The following CDHR2 variants were observed in gnomAD, a reference collection of about 807,000 sequenced individuals.
CDHR2 encodes cadherin related family member 2.
A neutral mutation model predicts 138.6 loss-of-function variants in CDHR2; 104 were observed. That is an observed-to-expected ratio of 0.75 (90% CI 0.64 to 0.88). The LOEUF is 0.88. Among genes scored for constraint, CDHR2 ranks in the 40% least tolerant of loss-of-function variants. CDHR2 has a pLI of 0.00. For missense variants in CDHR2, 1,624 were observed against 1,727.6 expected, an observed-to-expected ratio of 0.94 and a Z score of 1.06; for synonymous variants, 755 against 742.8, an observed-to-expected ratio of 1.02 and a Z score of -0.27.
chr5:176,552,591 G>C (rs1456658349), intron 1 of CDHR2, among the ~76,000 whole-genome samples: 2 of 152,174 alleles, frequency 1.3e-5, no homozygotes, highest in Non-Finnish European at 2.9e-5. Flanking sequence ...ATTGGGGCAG[G>C]CCGTTATTGC....
rs549077655 is a variant in CDHR2, at chr5:176,565,216, C to A, written c.-15-122C>A. The A allele has an allele frequency of 9.8e-6, 7 of 715,468 alleles. No homozygotes were observed. In the East Asian group the frequency reaches 1.3e-4, roughly 13 times the overall value. The allele number at this position is 715,468 out of a possible 1,614,324, so 44.3% of individuals were successfully genotyped here. A position where few individuals can be genotyped will look rare whatever the true frequency, so the allele number is the denominator to read the frequency against. ...GAAAATGGACAGAGGGTGATAGAGGCCCTGGGGGAGAACTACTAAGCAGCA... is the reference window on the plus strand; with the variant it reads ...GAAAATGGACAGAGGGTGATAGAGGACCTGGGGGAGAACTACTAAGCAGCA... On this transcript the variant is annotated intron_variant, in intron 1 of 31. Transcript: ENST00000261944.
chr5:176,592,001 G>A (rs906610487), intron 30 of CDHR2, among the ~76,000 whole-genome samples: 1 of 151,212 alleles, frequency 6.6e-6, no homozygotes, highest in Non-Finnish European at 1.5e-5. Flanking sequence ...TGATGGTGGT[G>A]ATGGTAGTGG....
At chr5:176,592,462 G>T (rs1196925874) in intron 30 of CDHR2, among the ~76,000 whole-genome samples, 2 of 148,448 alleles carry the variant, frequency 1.3e-5, no homozygotes, top group South Asian at 2.2e-4. Context: ...GGTGGTGGTG[G>T]TGGTGTTGGT....
At chr5:176,562,917 G>A (rs1428332162) in intron 1 of CDHR2, among the ~76,000 whole-genome samples, 2 of 152,096 alleles carry the variant, frequency 1.3e-5, no homozygotes, top group Non-Finnish European at 2.9e-5. Context: ...TTACAATTAC[G>A]CCCTATACAT....
At chr5:176,589,214 C>A (rs748007450) in intron 22 of CDHR2, 32 bp downstream of exon 22, 20 of 1,612,408 alleles carry the variant, frequency 1.2e-5, no homozygotes, top group Non-Finnish European at 1.7e-5. Context: ...AGGGAGGTTG[C>A]GGGGAGGGGC....
At chr5:176,547,520 GCT>G (rs1385969863), upstream of CDHR2, 1 of 152,196 alleles carries the variant, frequency 6.6e-6, no homozygotes, top group Admixed American at 6.5e-5. Flanking sequence ...AGTTTGACCT[GCT>G]CTGTTTCTGA....
At chr5:176,588,317 T>C (rs1343591218) in intron 21 of CDHR2, among the ~76,000 whole-genome samples, 1 of 151,940 alleles carries the variant, frequency 6.6e-6, no homozygotes, top group African/African-American at 2.4e-5. Flanking sequence ...TGGGTGTGTA[T>C]GTGTGTGACT....
chr5:176,595,593 T>C lies in CDHR2; in HGVS notation c.3854T>C (p.Leu1285Ser), dbSNP rs764403091. Reference sequence around the variant, plus strand: ...CCAGAGCCCCTGAGCGTGGTCCTGTTAGGACGGCAGGCAGGCGCAAGTGGA... The same window carrying C: ...CCAGAGCCCCTGAGCGTGGTCCTGTCAGGACGGCAGGCAGGCGCAAGTGGA... ...PDPEPLSVVLLGRQAGASGQL... is the reference protein window; with the variant it reads ...PDPEPLSVVLSGRQAGASGQL... The change falls in exon 32 of 32, where the codon TTA becomes TCA. Residue 1285 changes from leucine to serine, a missense_variant. Transcript: ENST00000261944. 1 of 1,612,878 alleles carries C rather than the reference T, an allele frequency of 6.2e-7. No individual in the cohort carries two copies. Among genetic ancestry groups the C allele is most frequent in the Non-Finnish European group, 8.5e-7 (1 of 1,179,336 alleles).
chr5:176,544,451 C>CTTTCTTTCCTTT (rs371507296), upstream of CDHR2, among the ~76,000 whole-genome samples: 1 of 146,160 alleles, frequency 6.8e-6, no homozygotes, highest in African/African-American at 2.5e-5. Flanking sequence ...TTCTCTCTTT[C>CTTTCTTTCCTTT]CTTTTTTTGA....
At chr5:176,552,712 AC>A (rs1448247154) in intron 1 of CDHR2, among the ~76,000 whole-genome samples, 1 of 152,214 alleles carries the variant, frequency 6.6e-6, no homozygotes, top group Non-Finnish European at 1.5e-5. Flanking sequence ...AGGAGGCAGG[AC>A]TGCGAGAAAC....
intron 11 of CDHR2, 32 bp from the exon 12 acceptor site, chr5:176,575,920 C>T: frequency 6.3e-7 from 1 of 1,588,412 alleles, no homozygotes; most frequent in South Asian, 1.1e-5. Flanking sequence ...AGCACTGGCT[C>T]TCTGCCCTCT....
rs1414710517 is a variant in CDHR2, at chr5:176,543,922, AGAG to A, written c.-16+1154_-16+1156del. Among the ~76,000 whole-genome samples the A allele has an allele frequency of 6.6e-6, 1 of 152,190 alleles. No homozygotes were observed. The highest frequency in any genetic ancestry group is 1.5e-5 in the Non-Finnish European group (1 of 68,026). ...CCGCAACCCCTGTGTCCCCATCGCT[AGAG>A]CCAACCTGGACCAGGGCATGGCCGG... On this transcript the variant is annotated intron_variant, in intron 1 of 31. Coordinates refer to the CDHR2 transcript ENST00000510636. The surrounding 1 kb of genome is among the most constrained non-coding windows in gnomAD (Gnocchi z 4.0).
At chr5:176,575,619 G>A (rs1437538771) in intron 10 of CDHR2, 38 bp downstream of exon 10, 1 of 1,609,452 alleles carries the variant, frequency 6.2e-7, no homozygotes, top group Non-Finnish European at 8.5e-7. Context: ...GCTGGGCCGG[G>A]GCCAGGGTGG....
rs376127278 is a variant in CDHR2 at position 176,571,261 on chromosome 5, C to T, written c.364C>T (p.Pro122Ser). The T allele has an allele frequency of 3.1e-6, 5 of 1,612,266 alleles. No homozygotes were observed. Among genetic ancestry groups the T allele is most frequent in the Non-Finnish European group, 4.2e-6 (5 of 1,179,360 alleles). Residue 122 changes from proline to serine, a missense_variant, in exon 6 of 32, where the codon CCC becomes TCC. Physicochemically the swap from Pro to Ser is moderately conservative, Grantham distance 74. Coordinates refer to ENST00000261944, the MANE Select transcript of CDHR2 (RefSeq NM_017675.6). ...TGTGGAAGATAGAAACGACAACGCA[C>T]CCGTTTTCCAGAACACCGCTTTCTC... Reference protein sequence around the residue: ...VIVEDRNDNAPVFQNTAFSTS... With the variant: ...VIVEDRNDNASVFQNTAFSTS...
In CDHR2 at chr5:176,579,571, G is replaced by C. The variant is rs562045240; in HGVS notation, c.1818+963G>C. ...TGGTGCCCAGCATGAGCCCCAGGGA[G>C]CACTTGATGAATTAACTGGCCTGAG... On this transcript the variant is annotated intron_variant, in intron 16 of 31. Coordinates refer to ENST00000261944, the MANE Select transcript of CDHR2 (RefSeq NM_017675.6). Among the ~76,000 whole-genome samples, 3 of 152,242 alleles carry C rather than the reference G, an allele frequency of 2.0e-5. No individual in the cohort carries two copies. In the East Asian group the frequency reaches 5.8e-4, roughly 30 times the overall value.
intron 16 of CDHR2, among the ~76,000 whole-genome samples, chr5:176,579,538 T>C (rs1291518683): frequency 2.0e-5 from 3 of 152,134 alleles, no homozygotes; most frequent in Non-Finnish European, 4.4e-5. Flanking sequence ...GGTCGGCTGC[T>C]GTAACCGTGG....
At chr5:176,588,981 G>A (rs773859006) in intron 21 of CDHR2, 50 bp from the exon 22 acceptor site, 1 of 1,599,228 alleles carries the variant, frequency 6.3e-7, no homozygotes, top group South Asian at 1.1e-5. Context: ...TGGGGTGGAG[G>A]GATGCCTGGC....
At chr5:176,546,267 A>C (rs1424202062), upstream of CDHR2, among the ~76,000 whole-genome samples, 1 of 152,158 alleles carries the variant, frequency 6.6e-6, no homozygotes, top group African/African-American at 2.4e-5. Context: ...CACTTTCTGT[A>C]ATCTCGGGTG....
In CDHR2 at chr5:176,590,247, C is replaced by T. The variant is rs963758422; in HGVS notation, c.3276-6C>T. The stretch of plus-strand genomic sequence containing the variant: ...CTCCTGACTCTTCAACTCTGTCCCG[C>T]TCCAGGGCCCGACCTCACTCCTACC... On this transcript the variant is annotated splice_polypyrimidine_tract_variant and splice_region_variant and intron_variant, in intron 25 of 31. Transcript: ENST00000261944. 6 of 1,614,046 alleles carry T rather than the reference C, an allele frequency of 3.7e-6. No individual in the cohort carries two copies. The African/African-American group carries it at 8.0e-5, about 22-fold the overall frequency.
Sources: gnomAD v4.1 joint callset for allele counts (sites outside exome capture counted in the v4.1 genomes callset) on GRCh38, gnomAD v4.1.1 for gene constraint, Gnocchi (gnomAD v3.1) non-coding constraint, MANE v1.5 for transcripts, NCBI Gene and HGNC (gene_info 2026-07-23, HGNC 2026-07-21) for gene names.